The following ADAMTS19 variants were observed in gnomAD, a reference collection of about 807,000 sequenced individuals.
ADAMTS19 encodes the protein A disintegrin and metalloproteinase with thrombospondin motifs 19.
A neutral mutation model predicts 153.3 loss-of-function variants in ADAMTS19; 93 were observed. That is an observed-to-expected ratio of 0.61 (90% CI 0.51 to 0.72). The LOEUF (loss-of-function observed/expected upper bound fraction) is 0.72. Ranked by LOEUF, ADAMTS19 falls within the 30% of genes least tolerant of loss-of-function variation. ADAMTS19 has a pLI of 0.00. For synonymous variants in ADAMTS19, 600 were observed against 556.6 expected (o/e 1.08, Z -1.10); for missense variants, 1,482 against 1,552.1 (o/e 0.95, Z 0.76).
At chr5:129,573,361 A>G (rs1753978776) in intron 7 of ADAMTS19, among the ~76,000 whole-genome samples, 1 of 151,958 alleles carries the variant, frequency 6.6e-6, no homozygotes, top group South Asian at 2.1e-4. Context: ...AGAACTCTAA[A>G]TAAATTCTTT....
intron 6 of ADAMTS19, among the ~76,000 whole-genome samples, chr5:129,544,958 C>T (rs1359437076): frequency 2.6e-5 from 4 of 152,076 alleles, no homozygotes; most frequent in African/African-American, 9.7e-5. Flanking sequence ...ATATGCAAAA[C>T]TGCTCTGAAG....
At chr5:129,673,521 G>A (rs1051928450) in intron 16 of ADAMTS19, among the ~76,000 whole-genome samples, 2 of 152,172 alleles carry the variant, frequency 1.3e-5, no homozygotes, top group African/African-American at 2.4e-5. Context: ...TATATTCAGT[G>A]TAATTTCAAT....
chr5:129,695,783 ACT>A (rs1359047700), intron 19 of ADAMTS19, among the ~76,000 whole-genome samples: 1 of 152,166 alleles, frequency 6.6e-6, no homozygotes, highest in African/African-American at 2.4e-5. Context: ...TTGTCCTGAC[ACT>A]CAGGAATTTG....
chr5:129,712,993 T>C (rs981923287), intron 21 of ADAMTS19, among the ~76,000 whole-genome samples: 2 of 152,236 alleles, frequency 1.3e-5, no homozygotes, highest in Non-Finnish European at 2.9e-5. Context: ...TCATAGCTTC[T>C]AGCACAATTA....
chr5:129,651,876 T>A (rs1344464140), intron 13 of ADAMTS19, among the ~76,000 whole-genome samples: 1 of 152,210 alleles, frequency 6.6e-6, no homozygotes, highest in African/African-American at 2.4e-5. Flanking sequence ...ATATAATCAA[T>A]ATGACTGTTC....
intron 7 of ADAMTS19, among the ~76,000 whole-genome samples, chr5:129,571,628 A>G (rs1464350664): frequency 6.6e-6 from 1 of 151,760 alleles, no homozygotes; most frequent in Non-Finnish European, 1.5e-5. Context: ...AACATAATGC[A>G]AATAAAAATT....
intron 2 of ADAMTS19, among the ~76,000 whole-genome samples, chr5:129,464,100 A>G (rs1749778512): frequency 6.6e-6 from 1 of 152,194 alleles, no homozygotes; most frequent in Admixed American, 6.5e-5. Context: ...AGGTAGAGGG[A>G]GGAGACTGAG....
intron 7 of ADAMTS19, among the ~76,000 whole-genome samples, chr5:129,589,549 A>C (rs1749994595): frequency 6.6e-6 from 1 of 152,056 alleles, no homozygotes; most frequent in Non-Finnish European, 1.5e-5. Context: ...TTCTCAAAAA[A>C]CTGTTTATTA....
intron 2 of ADAMTS19, among the ~76,000 whole-genome samples, chr5:129,479,194 G>C (rs1223907089): frequency 1.3e-5 from 2 of 152,110 alleles, no homozygotes; most frequent in African/African-American, 4.8e-5. Flanking sequence ...TGTTGCTTCA[G>C]TATTATTTAT....
intron 2 of ADAMTS19, among the ~76,000 whole-genome samples, chr5:129,468,922 G>A (rs1335283000): frequency 1.3e-5 from 2 of 151,862 alleles, no homozygotes; most frequent in African/African-American, 2.4e-5. Flanking sequence ...AATTACAGGT[G>A]CCTGCCACCA....
chr5:129,684,580 C>T (rs1397865286), intron 18 of ADAMTS19, among the ~76,000 whole-genome samples: 2 of 151,698 alleles, frequency 1.3e-5, no homozygotes, highest in African/African-American at 4.8e-5. Context: ...CCTCCCCAGA[C>T]ACCATTCAGG....
rs531541629 is a variant in ADAMTS19 at position 129,698,656 on chromosome 5, A to G, written c.2955-2732A>G. ...ATTATATTGAGGATCTCAAATTTTT[A>G]TTTTACTTAAAAATATGAGATTCCA... is the stretch of plus-strand genomic sequence containing the variant. On this transcript the variant is annotated intron_variant, in intron 19 of 22. Transcript: ENST00000274487. Among the ~76,000 whole-genome samples, 6 of 152,276 alleles carry G rather than the reference A, an allele frequency of 3.9e-5. No individual in the cohort carries two copies. In the South Asian group the frequency reaches 1.2e-3, roughly 32 times the overall value.
intron 8 of ADAMTS19, among the ~76,000 whole-genome samples, chr5:129,599,460 A>G (rs926812189): frequency 6.6e-6 from 1 of 152,224 alleles, no homozygotes; most frequent in African/African-American, 2.4e-5. Flanking sequence ...TTTTGTAAAC[A>G]GATTTTAAAT....
Position 129,471,475 on chromosome 5 carries a change from G to C in ADAMTS19, c.747+9718G>C, listed in dbSNP as rs1323820776. ...AGAAGGAAGGAAGGAAGGAAGGAAG[G>C]AAGGAAGGAAAGCAGGCAGGCAGGC... On this transcript the variant is annotated intron_variant, in intron 2 of 22. Coordinates refer to ENST00000274487, the MANE Select transcript of ADAMTS19 (RefSeq NM_133638.6). Among the ~76,000 whole-genome samples, 5 of 149,476 alleles carry C rather than the reference G, an allele frequency of 3.3e-5. No individual in the cohort carries two copies. The East Asian group carries it at 7.9e-4, about 24-fold the overall frequency.
chr5:129,538,260 A>T (rs908848878), intron 6 of ADAMTS19, among the ~76,000 whole-genome samples: 2 of 152,148 alleles, frequency 1.3e-5, no homozygotes, highest in Non-Finnish European at 2.9e-5. Flanking sequence ...GAAAAAGTAT[A>T]GTTAACATTT....
At chr5:129,553,660 A>C (rs1028113789) in intron 7 of ADAMTS19, among the ~76,000 whole-genome samples, 1 of 152,142 alleles carries the variant, frequency 6.6e-6, no homozygotes, top group Non-Finnish European at 1.5e-5. Context: ...GACATCACTA[A>C]AGCCTAGTTC....
chr5:129,569,770 A>T (rs1409663988), intron 7 of ADAMTS19, among the ~76,000 whole-genome samples: 1 of 152,038 alleles, frequency 6.6e-6, no homozygotes, highest in Non-Finnish European at 1.5e-5. Flanking sequence ...TTTGAACTGA[A>T]CAAACATGAA....
intron 6 of ADAMTS19, among the ~76,000 whole-genome samples, chr5:129,533,917 T>A (rs867948039): frequency 3.5e-4 from 54 of 152,292 alleles, no homozygotes; most frequent in African/African-American, 1.3e-3. Context: ...TGAGTGAGTT[T>A]CTTAATCCTG....
chr5:129,737,011 T>C, intron 22 of ADAMTS19, 56 bp from the exon 23 acceptor site: 1 of 1,418,404 alleles, frequency 7.1e-7, no homozygotes, highest in Non-Finnish European at 9.3e-7. Context: ...GAAGTTGGTT[T>C]TTACTGACAT....
Sources: gnomAD v4.1 joint callset for allele counts (sites outside exome capture counted in the v4.1 genomes callset) on GRCh38, gnomAD v4.1.1 for gene constraint, MANE v1.5 for transcripts, NCBI Gene and HGNC (gene_info 2026-07-23, HGNC 2026-07-21) for gene names.